Variants in KCNIP4 observed in about 807,000 individuals in gnomAD.
KCNIP4 encodes the protein potassium voltage-gated channel interacting protein 4, also known as Kv channel-interacting protein 4.
Under a neutral mutation model 34.0 loss-of-function variants are expected in KCNIP4, and 12 were observed. The observed-to-expected ratio is 0.35, with a 90% CI of 0.23 to 0.57. The LOEUF is 0.57. Among genes scored for constraint, KCNIP4 ranks in the 20% least tolerant of loss-of-function variants. The pLI, the probability that KCNIP4 is intolerant of heterozygous loss-of-function variation, is 0.83. For synonymous variants in KCNIP4, 124 were observed against 102.2 expected (o/e 1.21, Z -1.29); for missense variants, 238 against 311.7 (o/e 0.76, Z 1.78).
chr4:21,283,428 T>G (rs1175218962), intron 1 of KCNIP4, among the ~76,000 whole-genome samples: 3 of 152,040 alleles, frequency 2.0e-5, no homozygotes, highest in African/African-American at 4.8e-5. Context: ...TTCTCTCTCA[T>G]GCCATAATCT....
chr4:21,187,159 A>G (rs1180479102), intron 1 of KCNIP4, among the ~76,000 whole-genome samples: 1 of 152,180 alleles, frequency 6.6e-6, no homozygotes, highest in Non-Finnish European at 1.5e-5. Flanking sequence ...GCTGAAGTCA[A>G]TAAAAGTCAA....
At chr4:20,947,780 C>T (rs1732339974) in intron 1 of KCNIP4, among the ~76,000 whole-genome samples, 1 of 152,184 alleles carries the variant, frequency 6.6e-6, no homozygotes, top group African/African-American at 2.4e-5. Context: ...ACCACATGCA[C>T]ATACTGGGCT....
chr4:20,989,004 C>T (rs1736843777), intron 1 of KCNIP4, among the ~76,000 whole-genome samples: 1 of 152,204 alleles, frequency 6.6e-6, no homozygotes, highest in African/African-American at 2.4e-5. Context: ...TTTCTTCCCA[C>T]AATTTACCAC....
At chr4:21,106,492 T>C (rs1341701552) in intron 1 of KCNIP4, among the ~76,000 whole-genome samples, 1 of 151,668 alleles carries the variant, frequency 6.6e-6, no homozygotes, top group Non-Finnish European at 1.5e-5. Flanking sequence ...CTCTCTTTTA[T>C]TCTTTATTAG....
intron 1 of KCNIP4, among the ~76,000 whole-genome samples, chr4:21,079,099 T>C (rs112190176): frequency 6.6e-6 from 1 of 152,102 alleles, no homozygotes; most frequent in African/African-American, 2.4e-5. Flanking sequence ...GCTTGGTCTC[T>C]ATCCTTCCTG....
intron 1 of KCNIP4, among the ~76,000 whole-genome samples, chr4:21,898,631 C>T (rs1169123226): frequency 6.6e-6 from 1 of 152,160 alleles, no homozygotes. Flanking sequence ...GAATAATCAG[C>T]AATCATACCC....
At chr4:21,143,262 G>A (rs1464495272) in intron 1 of KCNIP4, among the ~76,000 whole-genome samples, 3 of 152,196 alleles carry the variant, frequency 2.0e-5, no homozygotes, top group East Asian at 1.9e-4. Flanking sequence ...GTGGCAGGGG[G>A]AGAAACAGAA....
intron 1 of KCNIP4, chr4:21,613,683 T>C (rs1339695321): frequency 2.6e-5 from 4 of 152,344 alleles, no homozygotes; most frequent in African/African-American, 9.6e-5. Context: ...AATCCCTTCA[T>C]GTTGTCCAGG....
At chr4:21,351,639 T>A (rs983205075) in intron 1 of KCNIP4, among the ~76,000 whole-genome samples, 11 of 152,170 alleles carry the variant, frequency 7.2e-5, no homozygotes, top group African/African-American at 2.2e-4. Flanking sequence ...AAGAGATAGT[T>A]AAGGTGAAAT....
intron 1 of KCNIP4, among the ~76,000 whole-genome samples, chr4:21,484,429 A>T (rs1267320680): frequency 6.7e-6 from 1 of 150,104 alleles, no homozygotes; most frequent in African/African-American, 2.4e-5. Context: ...CTCCGTCACA[A>T]TAAAAAAAAA....
chr4:21,281,512 G>T (rs752035049), intron 1 of KCNIP4, among the ~76,000 whole-genome samples: 3 of 152,204 alleles, frequency 2.0e-5, no homozygotes, highest in Admixed American at 6.5e-5. Context: ...CAGACTCACT[G>T]TGAAGATGGT....
At chr4:21,654,755 C>A (rs1273837658) in intron 1 of KCNIP4, among the ~76,000 whole-genome samples, 17 of 152,024 alleles carry the variant, frequency 1.1e-4, no homozygotes. Context: ...AACCCCGTCT[C>A]TACTAAAAAA....
At chr4:20,777,284 C>G (rs1372544219) in intron 3 of KCNIP4, among the ~76,000 whole-genome samples, 2 of 152,154 alleles carry the variant, frequency 1.3e-5, no homozygotes, top group African/African-American at 4.8e-5. Context: ...AGAACTCACT[C>G]ACTATCATGA....
chr4:21,022,190 T>C (rs940360926), intron 1 of KCNIP4, among the ~76,000 whole-genome samples: 2 of 152,220 alleles, frequency 1.3e-5, no homozygotes, highest in African/African-American at 4.8e-5. Context: ...GCTGCTTAAA[T>C]TAATTTCAAT....
chr4:21,222,246 G>A (rs373382389), intron 1 of KCNIP4, among the ~76,000 whole-genome samples: 76 of 150,928 alleles, frequency 5.0e-4, no homozygotes, highest in Admixed American at 3.2e-3. Context: ...TGTTGATCTC[G>A]CACTTTCTGC....
intron 1 of KCNIP4, among the ~76,000 whole-genome samples, chr4:21,740,510 A>G (rs1293287455): frequency 2.0e-5 from 3 of 152,112 alleles, no homozygotes; most frequent in African/African-American, 7.2e-5. Flanking sequence ...AGTGGTAAGC[A>G]ATCAGAGAAG....
At chr4:21,757,202 A>AAGGAAGGAAG (rs1560691474) in intron 1 of KCNIP4, among the ~76,000 whole-genome samples, 1 of 26,072 alleles carries the variant, frequency 3.8e-5, no homozygotes, top group African/African-American at 3.1e-4. Flanking sequence ...AAGGAAGGAA[A>AAGGAAGGAAG]GAAAGAAAGA....
chr4:20,966,156 C>G (rs1343475282), intron 1 of KCNIP4, among the ~76,000 whole-genome samples: 2 of 152,140 alleles, frequency 1.3e-5, no homozygotes, highest in African/African-American at 2.4e-5. Context: ...GATGTTTGTT[C>G]AGGTGCCTCA....
intron 3 of KCNIP4, among the ~76,000 whole-genome samples, chr4:20,847,366 A>G (rs1234659939): frequency 6.6e-6 from 1 of 152,182 alleles, no homozygotes; most frequent in African/African-American, 2.4e-5. Context: ...CAGCAGCATC[A>G]GCATCACCTT....
Sources: allele counts gnomAD v4.1 joint callset (sites outside exome capture counted in the v4.1 genomes callset), GRCh38; gene constraint gnomAD v4.1.1; transcripts MANE v1.5; gene names NCBI Gene and HGNC (gene_info 2026-07-23, HGNC 2026-07-21).